Variants in ACVR1 observed in about 807,000 individuals in gnomAD.
ACVR1 encodes activin receptor type-1.
Under a neutral mutation model 57.1 loss-of-function variants are expected in ACVR1, and 38 were observed. The observed-to-expected ratio is 0.67, with a 90% confidence interval of 0.51 to 0.87. The LOEUF (loss-of-function observed/expected upper bound fraction) is 0.87. Among genes scored for constraint, ACVR1 ranks in the 40% least tolerant of loss-of-function variants. The pLI, the probability that ACVR1 is intolerant of heterozygous loss-of-function variation, is 0.00. For synonymous variants in ACVR1, 212 were observed against 228.1 expected (o/e 0.93, Z 0.63); for missense variants, 463 against 638.2 (o/e 0.73, Z 2.96).
At chr2:157,821,762 T>G (rs1359400745) in intron 1 of ACVR1, among the ~76,000 whole-genome samples, 2 of 152,170 alleles carry the variant, frequency 1.3e-5, no homozygotes, top group Non-Finnish European at 2.9e-5. Context: ...AGGATGGCCA[T>G]GAAGAAGGAG....
intron 3 of ACVR1, among the ~76,000 whole-genome samples, chr2:157,795,425 CACA>C (rs1687074458): frequency 7.4e-6 from 1 of 135,358 alleles, no homozygotes; most frequent in Non-Finnish European, 1.6e-5. Context: ...CACACACACA[CACA>C]AACACAATAG....
intron 1 of ACVR1, among the ~76,000 whole-genome samples, chr2:157,852,550 A>G (rs1689360119): frequency 1.3e-5 from 2 of 152,004 alleles, no homozygotes; most frequent in South Asian, 4.1e-4. Context: ...AAAGAAAGGG[A>G]AACTAGACTC....
chr2:157,813,950 A>G (rs981737664), intron 2 of ACVR1, among the ~76,000 whole-genome samples: 35 of 152,336 alleles, frequency 2.3e-4, no homozygotes, highest in African/African-American at 7.9e-4. Context: ...TTAAATCTAA[A>G]AATGAAAGGT....
At chr2:157,789,755 G>A (rs1319157849) in intron 3 of ACVR1, among the ~76,000 whole-genome samples, 1 of 152,176 alleles carries the variant, frequency 6.6e-6, no homozygotes, top group Non-Finnish European at 1.5e-5. Flanking sequence ...TAATAATCTA[G>A]CAAAGAGACA....
At chr2:157,810,559 C>T (rs1239545718) in intron 2 of ACVR1, among the ~76,000 whole-genome samples, 1 of 152,174 alleles carries the variant, frequency 6.6e-6, no homozygotes, top group Non-Finnish European at 1.5e-5. Flanking sequence ...TGAACATTTC[C>T]AAGCTTTCCC....
At chr2:157,801,506 G>A (rs1282749308) in intron 2 of ACVR1, among the ~76,000 whole-genome samples, 3 of 152,120 alleles carry the variant, frequency 2.0e-5, no homozygotes, top group African/African-American at 7.2e-5. Flanking sequence ...CTTTACTAGA[G>A]AAAAGTAGTA....
chr2:157,865,849 T>TAGATAGAC, intron 1 of ACVR1, among the ~76,000 whole-genome samples: 1 of 148,816 alleles, frequency 6.7e-6, no homozygotes, highest in Non-Finnish European at 1.5e-5. Flanking sequence ...GATAGATAGA[T>TAGATAGAC]AGATAGATAG....
At chr2:157,774,043 C>G in intron 6 of ACVR1, 45 bp downstream of exon 6, 1 of 1,543,050 alleles carries the variant, frequency 6.5e-7, no homozygotes. Context: ...AAAAACAAAA[C>G]TAACATTGCA....
intron 3 of ACVR1, among the ~76,000 whole-genome samples, chr2:157,793,189 T>A (rs1686984835): frequency 6.6e-6 from 1 of 152,182 alleles, no homozygotes; most frequent in African/African-American, 2.4e-5. Context: ...AGAGAACACT[T>A]AGAAGTGACT....
At chr2:157,746,603 G>C (rs145502643) in intron 9 of ACVR1, among the ~76,000 whole-genome samples, 1 of 152,214 alleles carries the variant, frequency 6.6e-6, no homozygotes, top group Non-Finnish European at 1.5e-5. Context: ...AAAAACTCTC[G>C]TGTGTATTTG....
intron 1 of ACVR1, among the ~76,000 whole-genome samples, chr2:157,835,437 T>C (rs570255696): frequency 2.3e-4 from 35 of 152,360 alleles, no homozygotes; most frequent in African/African-American, 5.1e-4. Context: ...GGGTAAGTTA[T>C]TAATATTATT....
intron 3 of ACVR1, among the ~76,000 whole-genome samples, chr2:157,798,670 G>A (rs949964609): frequency 2.6e-5 from 4 of 151,654 alleles, no homozygotes. Context: ...TGGGATTACA[G>A]GTACACACCA....
At chr2:157,839,852 A>G (rs968237030) in intron 1 of ACVR1, among the ~76,000 whole-genome samples, 3 of 152,130 alleles carry the variant, frequency 2.0e-5, no homozygotes, top group Non-Finnish European at 4.4e-5. Context: ...AAAGTCCCCA[A>G]TATGTGCTTC....
chr2:157,773,487 CATGAA>C (rs1214148715), intron 6 of ACVR1, among the ~76,000 whole-genome samples: 2 of 152,086 alleles, frequency 1.3e-5, no homozygotes, highest in Non-Finnish European at 2.9e-5. Context: ...TGTACAAACA[CATGAA>C]ATGTTTATGA....
At chr2:157,820,289 C>A (rs1688116836) in intron 1 of ACVR1, among the ~76,000 whole-genome samples, 1 of 152,202 alleles carries the variant, frequency 6.6e-6, no homozygotes, top group African/African-American at 2.4e-5. Flanking sequence ...AAAACAAACT[C>A]GCACCCGCAA....
intron 9 of ACVR1, among the ~76,000 whole-genome samples, chr2:157,752,294 A>G (rs539561764): frequency 1.3e-5 from 2 of 152,302 alleles, no homozygotes; most frequent in African/African-American, 4.8e-5. Context: ...CTGTGGGACA[A>G]AAGAATCTGA....
chr2:157,832,206 G>A lies in ACVR1; in HGVS notation c.-182-13647C>T, dbSNP rs141264362. 3.8e-3 allele frequency among the ~76,000 whole-genome samples: 580 copies of A among 152,274 alleles called. 4 individuals carry two copies. The highest frequency in any genetic ancestry group is 6.8e-3 in the Middle Eastern group (2 of 294). On this transcript the variant is annotated intron_variant, in intron 1 of 10. Transcript: ENST00000434821. ...CTGTGTCCCATCTATAAAACAGGCA[G>A]ACACCACCCCCCAATCAGATGAGAA...
intron 3 of ACVR1, among the ~76,000 whole-genome samples, chr2:157,786,502 A>G (rs1486460157): frequency 6.6e-6 from 1 of 152,222 alleles, no homozygotes; most frequent in Non-Finnish European, 1.5e-5. Context: ...CCAAGCCGGC[A>G]TGCCTGAGCA....
intron 3 of ACVR1, among the ~76,000 whole-genome samples, chr2:157,788,389 C>T (rs1686789955): frequency 6.6e-6 from 1 of 152,160 alleles, no homozygotes; most frequent in African/African-American, 2.4e-5. Context: ...CTCCATCCTG[C>T]CCAGGACATG....
Sources: allele counts gnomAD v4.1 joint callset (sites outside exome capture counted in the v4.1 genomes callset), GRCh38; gene constraint gnomAD v4.1.1; transcripts MANE v1.5; gene names NCBI Gene and HGNC (gene_info 2026-07-23, HGNC 2026-07-21).